SCARA5: variants seen among roughly 807,000 people sequenced by gnomAD.
The protein encoded by SCARA5 is scavenger receptor class A, member 5 (putative).
Under a neutral mutation model 46.3 loss-of-function variants are expected in SCARA5, and 45 were observed. The observed-to-expected ratio is 0.97, with a 90% CI of 0.76 to 1.24. The LOEUF is 1.24. Among genes scored for constraint, SCARA5 ranks in the 50% most tolerant of loss-of-function variants. The pLI, the probability that SCARA5 is intolerant of heterozygous loss-of-function variation, is 0.00. For missense variants in SCARA5, 680 were observed against 689.0 expected (o/e 0.99, Z 0.15); for synonymous variants, 333 against 306.5 (o/e 1.09, Z -0.90).
intron 3 of SCARA5, among the ~76,000 whole-genome samples, chr8:27,941,608 G>A (rs1807945496): frequency 6.6e-6 from 1 of 151,898 alleles, no homozygotes; most frequent in Non-Finnish European, 1.5e-5. Context: ...CAAACTCTCG[G>A]TGTTGTTATT....
chr8:27,937,864 G>A (rs916584279), intron 3 of SCARA5, among the ~76,000 whole-genome samples: 11 of 152,068 alleles, frequency 7.2e-5, no homozygotes, highest in East Asian at 1.9e-4. Flanking sequence ...TGGTCATATC[G>A]GATCAGGGCT....
intron 7 of SCARA5, among the ~76,000 whole-genome samples, chr8:27,899,534 T>A (rs1311775942): frequency 1.3e-5 from 2 of 151,896 alleles, no homozygotes; most frequent in Non-Finnish European, 2.9e-5. Flanking sequence ...AGAGGAAGGG[T>A]CTGTCTACCA....
chr8:27,910,564 C>T (rs1331685203), intron 4 of SCARA5, among the ~76,000 whole-genome samples: 11 of 152,178 alleles, frequency 7.2e-5, no homozygotes. Flanking sequence ...ACCAGATCTG[C>T]ACATGAGGAA....
At chr8:27,901,326 C>T (rs1807149679) in intron 7 of SCARA5, among the ~76,000 whole-genome samples, 1 of 152,112 alleles carries the variant, frequency 6.6e-6, no homozygotes, top group Non-Finnish European at 1.5e-5. Flanking sequence ...GTTGAAAGGC[C>T]TCGGGGTTAG....
At chr8:27,873,211 C>T (rs954424684) in intron 8 of SCARA5, among the ~76,000 whole-genome samples, 3 of 152,182 alleles carry the variant, frequency 2.0e-5, no homozygotes, top group Admixed American at 2.0e-4. Flanking sequence ...CTCTAGGTTC[C>T]CACGCCGCCC....
At chr8:27,987,386 C>G (rs1464443877) in intron 2 of SCARA5, 118 bp downstream of exon 2, 2 of 720,128 alleles carry the variant, frequency 2.8e-6, no homozygotes, top group East Asian at 2.5e-5. Context: ...AATATATGCA[C>G]TATTACATGA....
chr8:27,897,286 A>C (rs1436571713), intron 7 of SCARA5, among the ~76,000 whole-genome samples: 1 of 152,172 alleles, frequency 6.6e-6, no homozygotes, highest in East Asian at 1.9e-4. Context: ...TCCCGGACTC[A>C]ATCCGCAGAG....
chr8:27,900,148 A>C (rs60504019), intron 7 of SCARA5, among the ~76,000 whole-genome samples: 6,748 of 151,540 alleles, frequency 0.045, 200 homozygotes, highest in South Asian at 0.099. Context: ...AAAAAAAAAA[A>C]CCAAAAAAAC....
intron 6 of SCARA5, among the ~76,000 whole-genome samples, chr8:27,905,442 C>A (rs1443596972): frequency 6.7e-6 from 1 of 149,100 alleles, no homozygotes; most frequent in Non-Finnish European, 1.5e-5. Flanking sequence ...ATCTGCCAAT[C>A]AAAAGCCCAT....
At chr8:27,925,474 T>C (rs1193107327) in intron 3 of SCARA5, among the ~76,000 whole-genome samples, 3 of 152,168 alleles carry the variant, frequency 2.0e-5, no homozygotes. Context: ...TTACACCTTA[T>C]ACAAAAATTA....
chr8:27,904,464 C>G, intron 7 of SCARA5: 1 of 506,228 alleles, frequency 2.0e-6, no homozygotes, highest in South Asian at 4.3e-5. Flanking sequence ...TCCTGTTATC[C>G]CTATTTTATA....
At chr8:27,896,951 G>A (rs1228748566) in intron 7 of SCARA5, among the ~76,000 whole-genome samples, 13 of 152,244 alleles carry the variant, frequency 8.5e-5, no homozygotes, top group African/African-American at 3.1e-4. Context: ...AATTAGCTGG[G>A]TGTGGTGGTG....
chr8:27,898,055 T>C (rs975403406), intron 7 of SCARA5, among the ~76,000 whole-genome samples: 8 of 152,242 alleles, frequency 5.3e-5, no homozygotes, highest in Non-Finnish European at 1.2e-4. Context: ...TGAAAATATC[T>C]TTTAAAGAGA....
intron 7 of SCARA5, among the ~76,000 whole-genome samples, chr8:27,890,662 C>T (rs1238157987): frequency 6.6e-6 from 1 of 152,190 alleles, no homozygotes; most frequent in East Asian, 1.9e-4. Context: ...TTCTCACCCA[C>T]AGATCCCACC....
chr8:27,942,623 C>A (rs900096313), intron 3 of SCARA5, among the ~76,000 whole-genome samples: 4 of 152,150 alleles, frequency 2.6e-5, no homozygotes, highest in Non-Finnish European at 5.9e-5. Flanking sequence ...GAACTCTGAG[C>A]ACCTGCGTCC....
chr8:27,878,126 C>A lies in SCARA5; in HGVS notation c.1351+1443G>T, dbSNP rs1371863166. Among the ~76,000 whole-genome samples the A allele has an allele frequency of 2.6e-5, 4 of 152,232 alleles. No individual in the cohort carries two copies. In the East Asian group the frequency reaches 7.7e-4, roughly 29 times the overall value. On this transcript the variant is annotated intron_variant, in intron 8 of 8. Coordinates refer to ENST00000354914, the MANE Select transcript of SCARA5 (RefSeq NM_173833.6). ...GGGGAACCCTGCCGTCAGTGGGCTGCCATCCACAGGTCACCAGGGGGCCTG... is the reference window on the plus strand; with the variant it reads ...GGGGAACCCTGCCGTCAGTGGGCTGACATCCACAGGTCACCAGGGGGCCTG...
At chr8:27,872,508 C>T (rs1806655649) in intron 8 of SCARA5, among the ~76,000 whole-genome samples, 1 of 152,228 alleles carries the variant, frequency 6.6e-6, no homozygotes, top group South Asian at 2.1e-4. Context: ...GTTACGTAGA[C>T]ATTTTCAGCC....
At chr8:27,901,788 G>A (rs1026424468) in intron 7 of SCARA5, among the ~76,000 whole-genome samples, 1 of 152,192 alleles carries the variant, frequency 6.6e-6, no homozygotes, top group Admixed American at 6.5e-5. Flanking sequence ...TGAAAGAGGG[G>A]ATTACTTGGG....
intron 4 of SCARA5, among the ~76,000 whole-genome samples, chr8:27,913,586 C>G (rs1807413243): frequency 6.6e-6 from 1 of 152,194 alleles, no homozygotes; most frequent in Non-Finnish European, 1.5e-5. Flanking sequence ...TCTCATGTCT[C>G]CACCTCCTTC....
Sources: allele counts gnomAD v4.1 joint callset (sites outside exome capture counted in the v4.1 genomes callset), GRCh38; gene constraint gnomAD v4.1.1; transcripts MANE v1.5; gene names NCBI Gene and HGNC (gene_info 2026-07-23, HGNC 2026-07-21).